CSNK2A2IP: variants seen among roughly 807,000 people sequenced by gnomAD.
The protein encoded by CSNK2A2IP is casein kinase II subunit alpha'-interacting protein.
the CSNK2A2IP span, among the ~76,000 whole-genome samples, chr3:88,340,098 G>A: frequency 3.3e-5 from 5 of 151,956 alleles, no homozygotes; most frequent in Non-Finnish European, 7.4e-5. Context: ...AAGAGCTTGG[G>A]TTTAAAATGT....
the CSNK2A2IP span, among the ~76,000 whole-genome samples, chr3:88,406,762 A>G: frequency 6.6e-6 from 1 of 152,090 alleles, no homozygotes; most frequent in African/African-American, 2.4e-5. Context: ...AAAATTCTTT[A>G]TTTTTGTTGG....
chr3:88,430,904 A>T, the CSNK2A2IP span, among the ~76,000 whole-genome samples: 1 of 152,122 alleles, frequency 6.6e-6, no homozygotes, highest in Non-Finnish European at 1.5e-5. Context: ...TCCAGAAAAC[A>T]AAAACAAATG....
the CSNK2A2IP span, among the ~76,000 whole-genome samples, chr3:88,411,225 C>T: frequency 6.6e-6 from 1 of 151,798 alleles, no homozygotes; most frequent in African/African-American, 2.4e-5. Context: ...GGGCATAGAA[C>T]AAATCTGTTT....
chr3:88,350,330 G>A, the CSNK2A2IP span, among the ~76,000 whole-genome samples: 1 of 151,964 alleles, frequency 6.6e-6, no homozygotes. Context: ...TCCTAAACTG[G>A]TTTTAACCCC....
At chr3:88,389,495 G>A in the CSNK2A2IP span, among the ~76,000 whole-genome samples, 1 of 152,190 alleles carries the variant, frequency 6.6e-6, no homozygotes, top group Non-Finnish European at 1.5e-5. Flanking sequence ...GGGACTTATA[G>A]GCCATCGTAA....
the CSNK2A2IP span, chr3:88,399,794 C>T: frequency 6.6e-6 from 1 of 152,130 alleles, no homozygotes; most frequent in Non-Finnish European, 1.5e-5. Flanking sequence ...GTTTCCTAAC[C>T]TCATGTGTTT....
the CSNK2A2IP span, among the ~76,000 whole-genome samples, chr3:88,346,672 A>T: frequency 6.6e-6 from 1 of 151,938 alleles, no homozygotes; most frequent in South Asian, 2.1e-4. Context: ...AAATTTCTAT[A>T]TTTTTCACAA....
At chr3:88,397,436 A>C in the CSNK2A2IP span, among the ~76,000 whole-genome samples, 1 of 152,286 alleles carries the variant, frequency 6.6e-6, no homozygotes, top group Admixed American at 6.5e-5. Flanking sequence ...TAAAATTACT[A>C]TTATTAACAA....
chr3:88,429,610 T>G, the CSNK2A2IP span, among the ~76,000 whole-genome samples: 2 of 152,200 alleles, frequency 1.3e-5, no homozygotes, highest in African/African-American at 2.4e-5. Flanking sequence ...TACCTTTCAT[T>G]ATCAGATGGG....
the CSNK2A2IP span, among the ~76,000 whole-genome samples, chr3:88,449,513 A>C: frequency 1.3e-5 from 2 of 151,898 alleles, no homozygotes; most frequent in African/African-American, 4.8e-5. Flanking sequence ...AAAATGAAAA[A>C]AATTCTTTAT....
the CSNK2A2IP span, among the ~76,000 whole-genome samples, chr3:88,365,390 AGGGTAAGACTAT>A: frequency 6.6e-6 from 1 of 152,128 alleles, no homozygotes; most frequent in African/African-American, 2.4e-5. Context: ...ATGGAGGTGG[AGGGTAAGACTAT>A]GGGAATTTTT....
At chr3:88,438,389 G>A in the CSNK2A2IP span, among the ~76,000 whole-genome samples, 2 of 152,004 alleles carry the variant, frequency 1.3e-5, no homozygotes, top group African/African-American at 2.4e-5. Context: ...CCCAAGCTAG[G>A]CCTTAGAAAC....
At chr3:88,456,161 G>T in the CSNK2A2IP span, among the ~76,000 whole-genome samples, 7 of 151,944 alleles carry the variant, frequency 4.6e-5, no homozygotes, top group African/African-American at 1.7e-4. Context: ...TTCTGTTCAA[G>T]ATTGCTTTAG....
At chr3:88,415,844 AGT>A in the CSNK2A2IP span, among the ~76,000 whole-genome samples, 577 of 152,166 alleles carry the variant, frequency 3.8e-3, 11 homozygotes, top group African/African-American at 0.013. Flanking sequence ...TCATTTTGGC[AGT>A]GTGACCTCTG....
the CSNK2A2IP span, among the ~76,000 whole-genome samples, chr3:88,389,439 G>A: frequency 6.6e-6 from 1 of 152,190 alleles, no homozygotes; most frequent in Non-Finnish European, 1.5e-5. Flanking sequence ...CAGGATGAGA[G>A]CAGAGGAAAA....
At chr3:88,418,915 AC>A in the CSNK2A2IP span, among the ~76,000 whole-genome samples, 3 of 152,276 alleles carry the variant, frequency 2.0e-5, no homozygotes, top group East Asian at 5.8e-4. Context: ...GGCTCACGTT[AC>A]CACCTGAGCT....
chr3:88,405,852 C>A, the CSNK2A2IP span, among the ~76,000 whole-genome samples: 1 of 152,120 alleles, frequency 6.6e-6, no homozygotes, highest in Non-Finnish European at 1.5e-5. Context: ...CATTAGGGAG[C>A]TTGCAGAACA....
chr3:88,458,151 T>G, the CSNK2A2IP span, among the ~76,000 whole-genome samples: 1 of 134,818 alleles, frequency 7.4e-6, no homozygotes, highest in African/African-American at 2.9e-5. Context: ...GTTTTTTTTT[T>G]TTTTTTTTTT....
chr3:88,414,036 T>C, the CSNK2A2IP span, among the ~76,000 whole-genome samples: 2 of 151,710 alleles, frequency 1.3e-5, no homozygotes, highest in African/African-American at 4.8e-5. Context: ...GGAACTTATA[T>C]ACAATGCCAA....
Sources: gnomAD v4.1 joint callset for allele counts (sites outside exome capture counted in the v4.1 genomes callset) on GRCh38, gnomAD v4.1.1 for gene constraint, MANE v1.5 for transcripts, NCBI Gene and HGNC (gene_info 2026-07-23, HGNC 2026-07-21) for gene names.